The following CTNNA3 variants were observed in gnomAD, a reference collection of about 807,000 sequenced individuals.
CTNNA3 encodes catenin alpha 3.
In CTNNA3, 76 loss-of-function variants were observed where a neutral mutation model predicts 95.7. The ratio of observed to expected loss-of-function variants is 0.79; its 90% CI spans 0.66 to 0.96. The LOEUF (loss-of-function observed/expected upper bound fraction) is 0.96, where lower values mean the gene tolerates loss of function less well. Among genes scored for constraint, CTNNA3 ranks in the 40% least tolerant of loss-of-function variants. The pLI, the probability that CTNNA3 is intolerant of heterozygous loss-of-function variation, is 0.00. For synonymous variants in CTNNA3, 431 were observed against 374.4 expected, an observed-to-expected ratio of 1.15 and a Z score of -1.74; for missense variants, 1,191 against 1,089.8, an observed-to-expected ratio of 1.09 and a Z score of -1.31.
At chr10:67,689,464 C>T (rs1343152108) in intron 1 of CTNNA3, among the ~76,000 whole-genome samples, 3 of 152,054 alleles carry the variant, frequency 2.0e-5, no homozygotes, top group Non-Finnish European at 4.4e-5. Flanking sequence ...TAGAAAAGCA[C>T]CAGAGACAGG....
intron 15 of CTNNA3, among the ~76,000 whole-genome samples, chr10:66,034,102 T>C (rs2079508954): frequency 6.6e-6 from 1 of 152,120 alleles, no homozygotes; most frequent in Non-Finnish European, 1.5e-5. Flanking sequence ...ATAAATAAAT[T>C]ATAACTATTT....
At chr10:66,350,921 C>A (rs2092562287) in intron 12 of CTNNA3, among the ~76,000 whole-genome samples, 1 of 151,972 alleles carries the variant, frequency 6.6e-6, no homozygotes. Flanking sequence ...TGTTAAACAC[C>A]AAATAGTCTT....
chr10:67,689,750 A>G (rs1720245182), intron 1 of CTNNA3, among the ~76,000 whole-genome samples: 1 of 152,114 alleles, frequency 6.6e-6, no homozygotes, highest in Non-Finnish European at 1.5e-5. Context: ...CAACATTCCC[A>G]ACTCCATAGA....
chr10:67,763,217 T>C (rs931914295), intron 1 of CTNNA3, among the ~76,000 whole-genome samples: 1 of 152,092 alleles, frequency 6.6e-6, no homozygotes, highest in Non-Finnish European at 1.5e-5. Context: ...AATTACTTTG[T>C]TCCCATGCAG....
At chr10:66,862,225 A>T (rs1412797973) in intron 7 of CTNNA3, among the ~76,000 whole-genome samples, 1 of 152,134 alleles carries the variant, frequency 6.6e-6, no homozygotes. Flanking sequence ...AAAAGAAAAA[A>T]ACAAAAAGAA....
intron 7 of CTNNA3, among the ~76,000 whole-genome samples, chr10:66,958,083 T>G (rs1232394340): frequency 6.6e-6 from 1 of 152,084 alleles, no homozygotes; most frequent in African/African-American, 2.4e-5. Context: ...CATTCATCCT[T>G]GCTGGCCTTC....
At chr10:66,571,843 G>T (rs371917697) in intron 10 of CTNNA3, among the ~76,000 whole-genome samples, 1 of 152,034 alleles carries the variant, frequency 6.6e-6, no homozygotes, top group Non-Finnish European at 1.5e-5. Context: ...TCATTGTCAC[G>T]TCACAGATGA....
chr10:67,243,405 C>T (rs1034221698), intron 5 of CTNNA3, among the ~76,000 whole-genome samples: 2 of 152,038 alleles, frequency 1.3e-5, no homozygotes, highest in Non-Finnish European at 2.9e-5. Context: ...AGGAAGTGCA[C>T]GTGAACACAA....
intron 5 of CTNNA3, among the ~76,000 whole-genome samples, chr10:67,257,296 A>T (rs981526878): frequency 6.6e-6 from 1 of 152,234 alleles, no homozygotes; most frequent in Admixed American, 6.5e-5. Flanking sequence ...TTCTAACTCA[A>T]AAAGTAATCT....
chr10:66,049,853 T>C (rs10996856), intron 15 of CTNNA3, among the ~76,000 whole-genome samples: 26,127 of 152,060 alleles, frequency 0.17, 2,518 homozygotes, highest in South Asian at 0.35. Flanking sequence ...CTGGGCTTAA[T>C]ACCTGGGTGA....
At chr10:67,034,367 A>C (rs1184144753) in intron 7 of CTNNA3, among the ~76,000 whole-genome samples, 2 of 152,330 alleles carry the variant, frequency 1.3e-5, no homozygotes, top group East Asian at 3.9e-4. Flanking sequence ...ATGAGGATAC[A>C]ATGCCCAATA....
At chr10:67,597,373 C>A (rs1433907568) in intron 3 of CTNNA3, among the ~76,000 whole-genome samples, 2 of 152,188 alleles carry the variant, frequency 1.3e-5, no homozygotes, top group African/African-American at 2.4e-5. Flanking sequence ...CTGGTTCTTT[C>A]TCATCTGTGT....
chr10:67,159,571 G>A (rs950647258), intron 7 of CTNNA3, among the ~76,000 whole-genome samples: 3 of 152,168 alleles, frequency 2.0e-5, no homozygotes, highest in African/African-American at 7.2e-5. Context: ...AAATCTACAT[G>A]TGTAAAGTCA....
At chr10:67,191,118 C>T (rs190842926) in intron 6 of CTNNA3, among the ~76,000 whole-genome samples, 5 of 152,150 alleles carry the variant, frequency 3.3e-5, no homozygotes, top group Non-Finnish European at 5.9e-5. Flanking sequence ...GTAATAAAAA[C>T]TCTAATTCAC....
At chr10:66,094,203 T>A (rs993650041) in intron 14 of CTNNA3, among the ~76,000 whole-genome samples, 2 of 151,722 alleles carry the variant, frequency 1.3e-5, no homozygotes, top group African/African-American at 4.8e-5. Context: ...TCAGAGATAA[T>A]GAAATGGTGT....
At chr10:65,960,790 C>A (rs2077826989) in intron 17 of CTNNA3, among the ~76,000 whole-genome samples, 1 of 152,100 alleles carries the variant, frequency 6.6e-6, no homozygotes, top group African/African-American at 2.4e-5. Flanking sequence ...TCTGTTTTAG[C>A]ATTAATTTGC....
At chr10:67,124,511 T>C (rs1288392462) in intron 7 of CTNNA3, among the ~76,000 whole-genome samples, 1 of 152,168 alleles carries the variant, frequency 6.6e-6, no homozygotes, top group Non-Finnish European at 1.5e-5. Context: ...TTCTAGTCAC[T>C]TGTCATGGGT....
chr10:66,645,298 TC>T (rs1220566105), intron 9 of CTNNA3, among the ~76,000 whole-genome samples: 1 of 152,134 alleles, frequency 6.6e-6, no homozygotes, highest in Non-Finnish European at 1.5e-5. Context: ...GAATATTTTT[TC>T]CTATTTTGTT....
chr10:66,296,059 C>T (rs1199549713), intron 12 of CTNNA3, among the ~76,000 whole-genome samples: 1 of 151,552 alleles, frequency 6.6e-6, no homozygotes, highest in Admixed American at 6.6e-5. Flanking sequence ...AAAATCAAAA[C>T]CAAGACTGAT....
Sources: gnomAD v4.1 joint callset for allele counts (sites outside exome capture counted in the v4.1 genomes callset) on GRCh38, gnomAD v4.1.1 for gene constraint, MANE v1.5 for transcripts, NCBI Gene and HGNC (gene_info 2026-07-23, HGNC 2026-07-21) for gene names.